The following WDR27 variants were observed in gnomAD, a reference collection of about 807,000 sequenced individuals.
WDR27 encodes the protein WD repeat-containing protein 27.
WDR27 carries 100 observed loss-of-function variants against 114.4 expected under a neutral mutation model. The ratio of observed to expected loss-of-function variants is 0.87; its 90% CI spans 0.74 to 1.03. WDR27 has a LOEUF of 1.03. Among genes scored for constraint, WDR27 ranks in the 50% least tolerant of loss-of-function variants. The probability of loss-of-function intolerance (pLI) is 0.00; values close to 1 mark genes in which losing one functional copy is unlikely to be tolerated. For synonymous variants in WDR27, 449 were observed against 423.1 expected (o/e 1.06, Z -0.75); for missense variants, 1,129 against 1,092.9 (o/e 1.03, Z -0.47).
intron 25 of WDR27, among the ~76,000 whole-genome samples, chr6:169,546,895 A>T (rs984603769): frequency 3.3e-5 from 5 of 152,150 alleles, no homozygotes; most frequent in Non-Finnish European, 7.3e-5. Context: ...TTTACTTACA[A>T]TCGAGCTCTT....
chr6:169,582,801 A>G (rs752157007), intron 24 of WDR27, 35 bp downstream of exon 24: 22 of 1,536,324 alleles, frequency 1.4e-5, no homozygotes, highest in Admixed American at 1.7e-5. Flanking sequence ...ACTTGTATGC[A>G]GCAGAGGCGC....
chr6:169,542,558 G>C (rs549938680), intron 25 of WDR27, among the ~76,000 whole-genome samples: 1 of 152,032 alleles, frequency 6.6e-6, no homozygotes, highest in Non-Finnish European at 1.5e-5. Flanking sequence ...TCCTGAAGAG[G>C]AAAATGGTGA....
intron 21 of WDR27, among the ~76,000 whole-genome samples, chr6:169,628,992 G>C (rs1444738219): frequency 1.3e-5 from 2 of 152,160 alleles, no homozygotes; most frequent in East Asian, 1.9e-4. Context: ...CACATACTAA[G>C]AGATTTACAT....
At chr6:169,579,463 C>G (rs1802999284) in intron 24 of WDR27, among the ~76,000 whole-genome samples, 1 of 152,128 alleles carries the variant, frequency 6.6e-6, no homozygotes, top group African/African-American at 2.4e-5. Flanking sequence ...GTTTCCAGAG[C>G]CTGGGTCATG....
Position 169,636,411 on chromosome 6 carries a change from G to T in WDR27, c.1963C>A (p.Leu655Met). Residue 655 changes from leucine to methionine, a missense_variant, in exon 19 of 26, where the codon CTG becomes ATG. Leu to Met is a conservative substitution (Grantham distance 15, BLOSUM62 2). Transcript: ENST00000448612. The stretch of plus-strand genomic sequence containing the variant: ...TTGCAAGTGTCAATGTGATACCTCA[G>T]TAGCTGAAATTCAGGGCCAGAAGAT... The part of the protein sequence containing the change: ...LLSSGPEFQL[L>M]RYHIDTCKDE... 1 of 1,613,916 alleles carries T rather than the reference G, an allele frequency of 6.2e-7. No homozygotes were observed. The highest frequency in any genetic ancestry group is 8.5e-7 in the Non-Finnish European group (1 of 1,179,870).
intron 25 of WDR27, among the ~76,000 whole-genome samples, chr6:169,475,967 A>G (rs896410167): frequency 6.6e-5 from 10 of 152,218 alleles, no homozygotes; most frequent in African/African-American, 2.2e-4. Flanking sequence ...ACATTAATGG[A>G]GAATTGACAT....
At chr6:169,503,503 A>G (rs1026603248) in intron 25 of WDR27, among the ~76,000 whole-genome samples, 4 of 152,232 alleles carry the variant, frequency 2.6e-5, no homozygotes, top group African/African-American at 9.6e-5. Context: ...TTCAGGGAAC[A>G]GGATTCTCTT....
chr6:169,647,589 CTA>C, intron 16 of WDR27, 182 bp downstream of exon 16: 1 of 684,984 alleles, frequency 1.5e-6, no homozygotes, highest in Non-Finnish European at 2.6e-6. Flanking sequence ...ATCACCCTCA[CTA>C]CAGTCGAGTG....
chr6:169,622,452 T>C (rs1813608129), intron 21 of WDR27, among the ~76,000 whole-genome samples: 2 of 152,178 alleles, frequency 1.3e-5, no homozygotes, highest in Non-Finnish European at 2.9e-5. Flanking sequence ...TATATTTAAC[T>C]GCTATTAGGA....
chr6:169,486,036 A>C (rs2115410936), intron 25 of WDR27, among the ~76,000 whole-genome samples: 1 of 152,294 alleles, frequency 6.6e-6, no homozygotes, highest in African/African-American at 2.4e-5. Context: ...ATCAGAAAAA[A>C]GTAGCTATTG....
the WDR27 span, among the ~76,000 whole-genome samples, chr6:169,436,911 G>A: frequency 6.0e-4 from 91 of 151,964 alleles, no homozygotes; most frequent in African/African-American, 2.1e-3. Flanking sequence ...TATTGGTCCC[G>A]AGATAAAAAT....
intron 25 of WDR27, among the ~76,000 whole-genome samples, chr6:169,477,335 C>G (rs977110732): frequency 6.6e-6 from 1 of 152,246 alleles, no homozygotes; most frequent in Non-Finnish European, 1.5e-5. Context: ...AAAACGTACC[C>G]CATTCTCACT....
chr6:169,616,972 T>C (rs550160367), intron 21 of WDR27, among the ~76,000 whole-genome samples: 1 of 152,194 alleles, frequency 6.6e-6, no homozygotes, highest in Admixed American at 6.5e-5. Flanking sequence ...ACTGGTAAAG[T>C]GCAATTTCAG....
At chr6:169,528,158 A>T (rs1312765975) in intron 25 of WDR27, among the ~76,000 whole-genome samples, 1 of 152,226 alleles carries the variant, frequency 6.6e-6, no homozygotes, top group African/African-American at 2.4e-5. Context: ...AGTTAGAAAC[A>T]TATTAATAAA....
At chr6:169,523,690 T>C (rs984408074) in intron 25 of WDR27, among the ~76,000 whole-genome samples, 3 of 152,034 alleles carry the variant, frequency 2.0e-5, no homozygotes, top group Admixed American at 6.5e-5. Flanking sequence ...ATAAAAACTA[T>C]GTCATCATTT....
At chr6:169,564,968 C>A (rs1241754930) in intron 25 of WDR27, among the ~76,000 whole-genome samples, 1 of 152,194 alleles carries the variant, frequency 6.6e-6, no homozygotes, top group Admixed American at 6.5e-5. Context: ...ATGCCAGGGA[C>A]CAGCACACGA....
At chr6:169,508,090 TTG>T (rs1204260549) in intron 25 of WDR27, among the ~76,000 whole-genome samples, 4 of 152,208 alleles carry the variant, frequency 2.6e-5, no homozygotes, top group African/African-American at 9.6e-5. Flanking sequence ...TGGCAGAGCA[TTG>T]TGTTTCATAT....
chr6:169,648,192 G>T (rs1316020627), intron 15 of WDR27, among the ~76,000 whole-genome samples: 1 of 152,206 alleles, frequency 6.6e-6, no homozygotes, highest in Non-Finnish European at 1.5e-5. Flanking sequence ...AAGAGAAAAT[G>T]AATTTCACTT....
chr6:169,593,860 C>A (rs6919297), intron 23 of WDR27, among the ~76,000 whole-genome samples: 2 of 59,632 alleles, frequency 3.4e-5, no homozygotes, highest in Admixed American at 3.6e-4. Flanking sequence ...AAAAAACAAA[C>A]AAACAAACAA....
Sources: gnomAD v4.1 joint callset for allele counts (sites outside exome capture counted in the v4.1 genomes callset) on GRCh38, gnomAD v4.1.1 for gene constraint, MANE v1.5 for transcripts, NCBI Gene and HGNC (gene_info 2026-07-23, HGNC 2026-07-21) for gene names.